The following PRR16 variants were observed in gnomAD, a reference collection of about 807,000 sequenced individuals.
PRR16 encodes protein Largen.
PRR16 carries 6 observed loss-of-function variants against 18.2 expected under a neutral mutation model. The observed-to-expected ratio is 0.33, with a 90% CI of 0.18 to 0.65. The LOEUF (loss-of-function observed/expected upper bound fraction) is 0.65. Among genes scored for constraint, PRR16 ranks in the 30% least tolerant of loss-of-function variants. PRR16 has a pLI of 0.74. For synonymous variants in PRR16, 151 were observed against 147.8 expected (o/e 1.02, Z -0.16); for missense variants, 412 against 376.6 (o/e 1.09, Z -0.78).
intron 1 of PRR16, among the ~76,000 whole-genome samples, chr5:120,624,390 T>C (rs1308324412): frequency 6.6e-6 from 1 of 152,174 alleles, no homozygotes; most frequent in Non-Finnish European, 1.5e-5. Context: ...TGGTATGGTA[T>C]GTATGTAGAA....
At chr5:120,540,071 G>A (rs1217414294) in intron 1 of PRR16, among the ~76,000 whole-genome samples, 1 of 152,156 alleles carries the variant, frequency 6.6e-6, no homozygotes, top group Non-Finnish European at 1.5e-5. Context: ...TTTACTTTTG[G>A]TGAACCTAAC....
chr5:120,630,900 T>C (rs1755030434), intron 1 of PRR16, among the ~76,000 whole-genome samples: 1 of 152,172 alleles, frequency 6.6e-6, no homozygotes, highest in Non-Finnish European at 1.5e-5. Flanking sequence ...TTGAGAGATG[T>C]TTTAAGTTAT....
intron 1 of PRR16, among the ~76,000 whole-genome samples, chr5:120,617,499 C>T (rs1400003480): frequency 6.6e-6 from 1 of 151,908 alleles, no homozygotes; most frequent in African/African-American, 2.4e-5. Flanking sequence ...TTTTAAGGCT[C>T]CAAAAATATT....
At chr5:120,622,617 T>G (rs1754726499) in intron 1 of PRR16, among the ~76,000 whole-genome samples, 1 of 152,120 alleles carries the variant, frequency 6.6e-6, no homozygotes, top group African/African-American at 2.4e-5. Context: ...TAGCTGGGAC[T>G]ACAGGCATGC....
chr5:120,604,488 G>A (rs1754088521), intron 1 of PRR16, among the ~76,000 whole-genome samples: 1 of 152,018 alleles, frequency 6.6e-6, no homozygotes, highest in South Asian at 2.1e-4. Context: ...AGTTGGTCTT[G>A]CTTCTTTATT....
intron 1 of PRR16, among the ~76,000 whole-genome samples, chr5:120,555,661 T>C (rs1195287193): frequency 6.6e-6 from 1 of 151,842 alleles, no homozygotes; most frequent in Non-Finnish European, 1.5e-5. Flanking sequence ...TTCCAAATGC[T>C]ATCACTTTGG....
rs182581166 is a variant in PRR16, at chr5:120,650,597, C to T, written c.160-35357C>T. 6.9e-3 allele frequency among the ~76,000 whole-genome samples: 1,039 copies of T among 150,962 alleles called. 15 individuals are homozygous for T. The highest frequency in any genetic ancestry group is 0.024 in the African/African-American group (998 of 41,092). ...TGTGTTGTTTGGTTTTTTGTCCTTG[C>T]GATAGTTTGCTGAGAATGATGATTT... On this transcript the variant is annotated intron_variant, in intron 1 of 1. Coordinates refer to ENST00000407149, the MANE Select transcript of PRR16 (RefSeq NM_001300783.2).
chr5:120,481,194 C>A, intron 1 of PRR16: 2 of 868,022 alleles, frequency 2.3e-6, no homozygotes, highest in Non-Finnish European at 3.3e-6. Flanking sequence ...GTTGCCCAGG[C>A]TAGAGTGCAA....
rs1750744242 is a variant in PRR16 at position 120,509,208 on chromosome 5, T to G, written c.159+44563T>G. ...TTCTAGTATTCATCTTGTAAATACT[T>G]TAGCTCACATGGTTTATAAGCACCA... On this transcript the variant is annotated intron_variant, in intron 1 of 1. Coordinates refer to ENST00000407149, the MANE Select transcript of PRR16 (RefSeq NM_001300783.2). Among the ~76,000 whole-genome samples the G allele has an allele frequency of 2.6e-5, 4 of 152,166 alleles. No homozygotes were observed. In the South Asian group the frequency reaches 8.3e-4, roughly 31 times the overall value.
chr5:120,639,938 A>T (rs1354287304), intron 1 of PRR16, among the ~76,000 whole-genome samples: 3 of 152,072 alleles, frequency 2.0e-5, no homozygotes, highest in Admixed American at 6.6e-5. Context: ...GTCCCTATAC[A>T]CCATGGAATA....
At chr5:120,787,372 G>A in the PRR16 span, among the ~76,000 whole-genome samples, 1 of 152,100 alleles carries the variant, frequency 6.6e-6, no homozygotes, top group African/African-American at 2.4e-5. Context: ...CCAGTGAGAA[G>A]CCTGGATATA....
chr5:120,770,031 T>A, the PRR16 span, among the ~76,000 whole-genome samples: 1 of 152,130 alleles, frequency 6.6e-6, no homozygotes, highest in South Asian at 2.1e-4. Flanking sequence ...CTTCAAGTCC[T>A]TTGCCCATTT....
At chr5:120,573,320 C>T (rs1752965350) in intron 1 of PRR16, among the ~76,000 whole-genome samples, 1 of 152,114 alleles carries the variant, frequency 6.6e-6, no homozygotes, top group Non-Finnish European at 1.5e-5. Flanking sequence ...TTTTCTTACT[C>T]TTATTTCAAA....
the PRR16 span, among the ~76,000 whole-genome samples, chr5:120,711,209 T>C: frequency 6.6e-6 from 1 of 152,202 alleles, no homozygotes; most frequent in Non-Finnish European, 1.5e-5. Flanking sequence ...CCCTTTGCCA[T>C]ATAACAGCAT....
chr5:120,620,204 A>G (rs186137573), intron 1 of PRR16, among the ~76,000 whole-genome samples: 3 of 152,320 alleles, frequency 2.0e-5, no homozygotes, highest in Admixed American at 1.3e-4. Flanking sequence ...CCATAATAAC[A>G]TAGTGCATAA....
the PRR16 span, among the ~76,000 whole-genome samples, chr5:120,778,847 C>T: frequency 6.6e-6 from 1 of 152,066 alleles, no homozygotes; most frequent in Non-Finnish European, 1.5e-5. Context: ...AGCATTTGAT[C>T]GCTTGTCTAA....
intron 1 of PRR16, among the ~76,000 whole-genome samples, chr5:120,522,995 G>A (rs988220101): frequency 6.6e-6 from 1 of 152,038 alleles, no homozygotes; most frequent in Non-Finnish European, 1.5e-5. Context: ...CTTATTCATA[G>A]GAGTCATTTT....
At chr5:120,597,118 A>C (rs1401685254) in intron 1 of PRR16, among the ~76,000 whole-genome samples, 1 of 151,556 alleles carries the variant, frequency 6.6e-6, no homozygotes, top group Non-Finnish European at 1.5e-5. Context: ...TTTTTTGCTT[A>C]CGTAAGTTAT....
chr5:120,597,076 T>G (rs1753837389), intron 1 of PRR16, among the ~76,000 whole-genome samples: 1 of 151,664 alleles, frequency 6.6e-6, no homozygotes, highest in African/African-American at 2.4e-5. Flanking sequence ...GTTTATTTCT[T>G]GATAACAAGT....
Sources: allele counts gnomAD v4.1 joint callset (sites outside exome capture counted in the v4.1 genomes callset), GRCh38; gene constraint gnomAD v4.1.1; transcripts MANE v1.5; gene names NCBI Gene and HGNC (gene_info 2026-07-23, HGNC 2026-07-21).